Variants in CENPK observed in about 807,000 individuals in gnomAD.
CENPK encodes SoxLZ/Sox6-binding protein Solt.
Under a neutral mutation model 40.9 loss-of-function variants are expected in CENPK, and 46 were observed. The ratio of observed to expected loss-of-function variants is 1.13; its 90% confidence interval spans 0.89 to 1.44. The LOEUF is 1.44. Among genes scored for constraint, CENPK ranks in the 40% most tolerant of loss-of-function variants. CENPK has a pLI of 0.00. For missense variants in CENPK, 288 were observed against 303.5 expected (o/e 0.95, Z 0.38); for synonymous variants, 107 against 104.4 (o/e 1.02, Z -0.15).
At chr5:65,516,580 G>A (rs141113449), downstream of CENPK, among the ~76,000 whole-genome samples, 1 of 152,202 alleles carries the variant, frequency 6.6e-6, no homozygotes, top group Non-Finnish European at 1.5e-5. Flanking sequence ...TCAAATAGTG[G>A]TTACCCCAAG....
At chr5:65,506,610 C>T in the CENPK span, among the ~76,000 whole-genome samples, 1 of 152,068 alleles carries the variant, frequency 6.6e-6, no homozygotes, top group South Asian at 2.1e-4. Flanking sequence ...ATGGCGAAAC[C>T]CTGTCTCTAC....
intron 6 of CENPK, among the ~76,000 whole-genome samples, chr5:65,540,123 C>A (rs773920170): frequency 1.3e-5 from 2 of 152,220 alleles, no homozygotes; most frequent in African/African-American, 2.4e-5. Context: ...CTTTCTCATT[C>A]TTTACAGTAG....
chr5:65,536,147 G>A (rs1369753350), intron 6 of CENPK, among the ~76,000 whole-genome samples: 1 of 152,126 alleles, frequency 6.6e-6, no homozygotes, highest in Non-Finnish European at 1.5e-5. Flanking sequence ...GAAAGTTTTT[G>A]GGACAGATGC....
At chr5:65,551,528 T>C (rs1187893870) in intron 5 of CENPK, 36 bp downstream of exon 5, 4 of 1,167,548 alleles carry the variant, frequency 3.4e-6, no homozygotes, top group South Asian at 1.5e-5. Flanking sequence ...TATTAATAGG[T>C]TTACAAAAAA....
At chr5:65,528,665 A>T (rs1745178411) in intron 8 of CENPK, 87 bp from the exon 9 acceptor site, 2 of 1,368,680 alleles carry the variant, frequency 1.5e-6, no homozygotes, top group Non-Finnish European at 1.9e-6. Context: ...TTGATCAAAA[A>T]CTTTGTTAAA....
chr5:65,515,305 G>A (rs1580853338), downstream of CENPK, among the ~76,000 whole-genome samples: 1 of 149,242 alleles, frequency 6.7e-6, no homozygotes, highest in African/African-American at 2.5e-5. Flanking sequence ...CCGGGTTCAG[G>A]CCATCCTCCG....
At chr5:65,529,451 G>T in intron 6 of CENPK, 2 of 351,140 alleles carry the variant, frequency 5.7e-6, no homozygotes, top group East Asian at 5.6e-5. Context: ...GCAAAATAAT[G>T]GTGTGTTTTC....
At chr5:65,533,640 G>A (rs1746309450) in intron 6 of CENPK, among the ~76,000 whole-genome samples, 1 of 152,144 alleles carries the variant, frequency 6.6e-6, no homozygotes, top group Non-Finnish European at 1.5e-5. Context: ...GTAAAACTGT[G>A]TTTGATCTCA....
chr5:65,537,725 C>A (rs1445313561), intron 6 of CENPK, among the ~76,000 whole-genome samples: 1 of 151,966 alleles, frequency 6.6e-6, no homozygotes, highest in Non-Finnish European at 1.5e-5. Context: ...CAAGGTATAT[C>A]CATATTTTAG....
intron 6 of CENPK, among the ~76,000 whole-genome samples, chr5:65,532,910 C>CAAAAAAAAAA (rs60713724): frequency 3.2e-4 from 12 of 37,004 alleles, no homozygotes; most frequent in African/African-American, 5.0e-4. Flanking sequence ...ACTCCATCTC[C>CAAAAAAAAAA]AAAAAAAAAA....
chr5:65,556,404 G>A (rs1393120019), intron 2 of CENPK, among the ~76,000 whole-genome samples: 1 of 152,144 alleles, frequency 6.6e-6, no homozygotes, highest in Non-Finnish European at 1.5e-5. Flanking sequence ...GAGTCCAGGA[G>A]TTCAAGGTTA....
intron 3 of CENPK, among the ~76,000 whole-genome samples, chr5:65,553,908 T>A (rs2150527139): frequency 6.6e-6 from 1 of 152,336 alleles, no homozygotes. Flanking sequence ...ATACTTAAAA[T>A]CTTTTAATGG....
At chr5:65,520,329 G>A (rs1172402827) in intron 10 of CENPK, among the ~76,000 whole-genome samples, 1 of 152,054 alleles carries the variant, frequency 6.6e-6, no homozygotes, top group East Asian at 1.9e-4. Context: ...CTAGTGTCAT[G>A]TTTATACAGC....
chr5:65,553,610 A>G (rs1300081279), intron 3 of CENPK, among the ~76,000 whole-genome samples: 14 of 152,132 alleles, frequency 9.2e-5, no homozygotes, highest in Admixed American at 8.5e-4. Context: ...TATATTCTCT[A>G]TTTGGGGAAA....
chr5:65,508,786 TAA>T, the CENPK span, among the ~76,000 whole-genome samples: 16 of 85,976 alleles, frequency 1.9e-4, no homozygotes, highest in East Asian at 3.5e-4. Context: ...AGACTCCATC[TAA>T]AAAAAAAAAA....
chr5:65,498,911 G>A, the CENPK span, among the ~76,000 whole-genome samples: 1 of 151,646 alleles, frequency 6.6e-6, no homozygotes, highest in Non-Finnish European at 1.5e-5. Context: ...TGGGATTACG[G>A]GTGTGAGTCA....
At chr5:65,516,340 T>C (rs940981001), downstream of CENPK, among the ~76,000 whole-genome samples, 2 of 152,248 alleles carry the variant, frequency 1.3e-5, no homozygotes, top group Non-Finnish European at 2.9e-5. Context: ...ATCGATCTTT[T>C]GTTCTTGTCT....
the CENPK span, among the ~76,000 whole-genome samples, chr5:65,501,868 C>G: frequency 1.3e-5 from 2 of 152,200 alleles, no homozygotes; most frequent in Non-Finnish European, 2.9e-5. Flanking sequence ...ATTCTATAGT[C>G]AAGAGTAGGA....
intron 10 of CENPK, among the ~76,000 whole-genome samples, chr5:65,519,190 C>T (rs1366134063): frequency 6.6e-6 from 1 of 152,106 alleles, no homozygotes; most frequent in Admixed American, 6.6e-5. Context: ...ATTATATAGG[C>T]TAGCATTTTC....
Sources: allele counts gnomAD v4.1 joint callset (sites outside exome capture counted in the v4.1 genomes callset), GRCh38; gene constraint gnomAD v4.1.1; transcripts MANE v1.5; gene names NCBI Gene and HGNC (gene_info 2026-07-23, HGNC 2026-07-21).